LHFPL3: variants seen among roughly 807,000 people sequenced by gnomAD.
LHFPL3 encodes LHFPL tetraspan subfamily member 3 protein.
A neutral mutation model predicts 19.3 loss-of-function variants in LHFPL3; 5 were observed. That is an observed-to-expected ratio of 0.26 (90% CI 0.14 to 0.54). The LOEUF is 0.54. Ranked by LOEUF, LHFPL3 falls within the 20% of genes least tolerant of loss-of-function variation. The pLI, the probability that LHFPL3 is intolerant of heterozygous loss-of-function variation, is 0.94. For missense variants in LHFPL3, 249 were observed against 307.4 expected (o/e 0.81, Z 1.42); for synonymous variants, 133 against 126.2 (o/e 1.05, Z -0.36).
At chr7:104,669,468 A>G in intron 1 of LHFPL3, 2 of 1,612,808 alleles carry the variant, frequency 1.2e-6, no homozygotes, top group Non-Finnish European at 1.7e-6. Context: ...CACCTGAGCC[A>G]AAGAAACCTG....
In LHFPL3 at chr7:104,440,035, T is replaced by TAGGCG. The variant is rs1554394355; in HGVS notation, c.445+110811_445+110812insAGGCG. Among the ~76,000 whole-genome samples, 4 of 84,902 alleles carry TAGGCG rather than the reference T, an allele frequency of 4.7e-5. No homozygotes were observed. In the Admixed American group the frequency reaches 5.2e-4, roughly 11 times the overall value. 55.7% of individuals were successfully genotyped at this position (84,902 alleles called of 152,430 possible). ...CAAGATTACTATATAATACAAAGCCTGGGGGGGGGGAGGGATAGCATTAGG... is the reference window on the plus strand; with the variant it reads ...CAAGATTACTATATAATACAAAGCCTAGGCGGGGGGGGGGGAGGGATAGCATTAGG... On this transcript the variant is annotated intron_variant, in intron 1 of 2. Coordinates refer to ENST00000424859, the MANE Select transcript of LHFPL3 (RefSeq NM_199000.3).
chr7:104,891,611 G>C (rs1792247832), intron 2 of LHFPL3, among the ~76,000 whole-genome samples: 1 of 152,216 alleles, frequency 6.6e-6, no homozygotes, highest in Admixed American at 6.5e-5. Flanking sequence ...GCATTCTCTT[G>C]TGTTGGCCAA....
At chr7:104,391,108 C>T (rs1791057734) in intron 1 of LHFPL3, among the ~76,000 whole-genome samples, 1 of 152,122 alleles carries the variant, frequency 6.6e-6, no homozygotes, top group African/African-American at 2.4e-5. Flanking sequence ...GGGTAGATTG[C>T]AAACATTTTC....
chr7:104,667,727 G>C, intron 1 of LHFPL3: 1 of 1,521,710 alleles, frequency 6.6e-7, no homozygotes, highest in Non-Finnish European at 9.0e-7. Flanking sequence ...GAAATACAAG[G>C]AAAAGCTTTC....
At chr7:104,756,233 T>G (rs1332347871) in intron 2 of LHFPL3, among the ~76,000 whole-genome samples, 1 of 152,194 alleles carries the variant, frequency 6.6e-6, no homozygotes, top group African/African-American at 2.4e-5. Flanking sequence ...AAGTTTTTAT[T>G]AAGCTTGTTC....
At chr7:104,615,722 G>C (rs150796451) in intron 1 of LHFPL3, among the ~76,000 whole-genome samples, 1 of 149,676 alleles carries the variant, frequency 6.7e-6, no homozygotes, top group African/African-American at 2.5e-5. Flanking sequence ...TCCCCTCCCG[G>C]TGTCCATGTG....
At chr7:104,784,608 T>C (rs1181461963) in intron 2 of LHFPL3, among the ~76,000 whole-genome samples, 2 of 152,152 alleles carry the variant, frequency 1.3e-5, no homozygotes, top group Non-Finnish European at 2.9e-5. Context: ...TGGATACATA[T>C]CCAAAAGAAT....
In LHFPL3 at chr7:104,507,746, TCAAA is replaced by T. The variant is rs1406544674; in HGVS notation, c.445+178527_445+178530del. Among the ~76,000 whole-genome samples the T allele has an allele frequency of 4.4e-4, 59 of 135,468 alleles. 1 individual carries two copies. The highest frequency in any genetic ancestry group is 1.6e-3 in the African/African-American group (59 of 36,670). 88.9% of individuals were successfully genotyped at this position (135,468 alleles called of 152,430 possible). A position where few individuals can be genotyped will look rare whatever the true frequency, so the allele number is the denominator to read the frequency against. Reference sequence around the variant, plus strand: ...CTAATATCCAGAATCTGCAATGAACTCAAACAAATTTACAAGAAAAAAACAAACA... The same window carrying T: ...CTAATATCCAGAATCTGCAATGAACTCAAATTTACAAGAAAAAAACAAACA... On this transcript the variant is annotated intron_variant, in intron 1 of 2. Transcript: ENST00000424859.
intron 1 of LHFPL3, among the ~76,000 whole-genome samples, chr7:104,426,109 A>G (rs760927898): frequency 2.6e-5 from 4 of 152,306 alleles, no homozygotes; most frequent in Non-Finnish European, 5.9e-5. Flanking sequence ...GACATTTTCT[A>G]CTTTGTCCAT....
chr7:104,409,188 T>C (rs1185294591), intron 1 of LHFPL3, among the ~76,000 whole-genome samples: 3 of 152,140 alleles, frequency 2.0e-5, no homozygotes, highest in South Asian at 2.1e-4. Flanking sequence ...GTGTTGTAAT[T>C]TTCTAACCCT....
intron 1 of LHFPL3, among the ~76,000 whole-genome samples, chr7:104,583,947 C>T (rs1790512005): frequency 6.6e-6 from 1 of 152,028 alleles, no homozygotes; most frequent in South Asian, 2.1e-4. Flanking sequence ...ACCCAGCCAT[C>T]CCATTACTGG....
chr7:104,794,470 A>G (rs1438722173), intron 2 of LHFPL3, among the ~76,000 whole-genome samples: 3 of 152,234 alleles, frequency 2.0e-5, no homozygotes, highest in Non-Finnish European at 4.4e-5. Context: ...ATAGCAAAGA[A>G]GTAGAATTAC....
At chr7:104,773,194 AG>A (rs1393480844) in intron 2 of LHFPL3, among the ~76,000 whole-genome samples, 1 of 152,188 alleles carries the variant, frequency 6.6e-6, no homozygotes, top group Non-Finnish European at 1.5e-5. Flanking sequence ...AGAACCTGAC[AG>A]GGCAGTGAGG....
intron 1 of LHFPL3, among the ~76,000 whole-genome samples, chr7:104,707,179 T>A (rs905678624): frequency 3.3e-5 from 5 of 152,218 alleles, no homozygotes; most frequent in African/African-American, 1.2e-4. Flanking sequence ...CCTAGATTCA[T>A]GCTCCATTAG....
chr7:104,759,562 G>T (rs1031819551), intron 2 of LHFPL3: 1 of 151,992 alleles, frequency 6.6e-6, no homozygotes, highest in African/African-American at 2.4e-5. Flanking sequence ...GTGCTCAATG[G>T]TCACATTTGG....
intron 1 of LHFPL3, among the ~76,000 whole-genome samples, chr7:104,357,960 G>A (rs1003839827): frequency 2.0e-5 from 3 of 152,180 alleles, no homozygotes; most frequent in African/African-American, 7.2e-5. Flanking sequence ...TACATAAAAT[G>A]GACAATCACA....
intron 1 of LHFPL3, among the ~76,000 whole-genome samples, chr7:104,667,470 C>G (rs1220329049): frequency 1.3e-5 from 2 of 152,196 alleles, no homozygotes; most frequent in Non-Finnish European, 2.9e-5. Context: ...CTTCTACTCT[C>G]CTGGGTGCTT....
In LHFPL3 at chr7:104,495,578, T is replaced by C. The variant is rs561876550; in HGVS notation, c.445+166354T>C. On this transcript the variant is annotated intron_variant, in intron 1 of 2. Transcript: ENST00000424859. ...TTTTGTATTTTTAGTAGAGATGGGG[T>C]TTCACCATGTTAGCCAGGATGGTCT... is the stretch of plus-strand genomic sequence containing the variant. Among the ~76,000 whole-genome samples the C allele has an allele frequency of 1.9e-4, 29 of 152,188 alleles. No homozygotes were observed. In the South Asian group the frequency reaches 2.1e-3, roughly 11 times the overall value.
At chr7:104,819,537 CCTT>C (rs1463574204) in intron 2 of LHFPL3, among the ~76,000 whole-genome samples, 5 of 152,258 alleles carry the variant, frequency 3.3e-5, no homozygotes, top group Non-Finnish European at 7.4e-5. Flanking sequence ...GTGCCTTTCC[CCTT>C]CTTCTCTCAT....
Sources: allele counts gnomAD v4.1 joint callset (sites outside exome capture counted in the v4.1 genomes callset), GRCh38; gene constraint gnomAD v4.1.1; transcripts MANE v1.5; gene names NCBI Gene and HGNC (gene_info 2026-07-23, HGNC 2026-07-21).